SOX5: variants seen among roughly 807,000 people sequenced by gnomAD.
The protein encoded by SOX5 is transcription factor SOX-5.
A neutral mutation model predicts 92.0 loss-of-function variants in SOX5; 9 were observed. The observed-to-expected ratio is 0.10, with a 90% CI of 0.06 to 0.17. SOX5 has a LOEUF of 0.17. Among genes scored for constraint, SOX5 ranks in the 10% least tolerant of loss-of-function variants. SOX5 has a pLI of 1.00. For synonymous variants in SOX5, 344 were observed against 336.3 expected (o/e 1.02, Z -0.25); for missense variants, 642 against 944.5 (o/e 0.68, Z 4.20).
chr12:24,071,319 C>CTAATTTAATTAATG (rs1569533048), intron 4 of SOX5, among the ~76,000 whole-genome samples: 2 of 152,162 alleles, frequency 1.3e-5, no homozygotes, highest in East Asian at 1.9e-4. Context: ...AATTTAATTC[C>CTAATTTAATTAATG]CACATGAACC....
chr12:23,873,482 A>G (rs2096896142), intron 2 of SOX5, among the ~76,000 whole-genome samples: 1 of 152,186 alleles, frequency 6.6e-6, no homozygotes, highest in Non-Finnish European at 1.5e-5. Flanking sequence ...CAAAAGAAAA[A>G]GAAAAGAAAT....
intron 13 of SOX5, among the ~76,000 whole-genome samples, chr12:23,538,485 T>C (rs975026722): frequency 2.6e-5 from 4 of 152,206 alleles, no homozygotes; most frequent in Non-Finnish European, 4.4e-5. Context: ...ATATCATTTG[T>C]AGGGACAATC....
At chr12:23,564,210 A>G (rs1188371825) in intron 10 of SOX5, among the ~76,000 whole-genome samples, 2 of 152,236 alleles carry the variant, frequency 1.3e-5, no homozygotes, top group African/African-American at 4.8e-5. Context: ...TGTAACAACC[A>G]AAACTAATTT....
intron 3 of SOX5, among the ~76,000 whole-genome samples, chr12:24,244,185 A>G (rs1477012135): frequency 1.3e-5 from 2 of 152,216 alleles, no homozygotes; most frequent in Admixed American, 6.5e-5. Flanking sequence ...TATAACTTTG[A>G]GCCTATCTGG....
chr12:23,551,211 G>A (rs1337903216), intron 11 of SOX5, among the ~76,000 whole-genome samples: 2 of 151,648 alleles, frequency 1.3e-5, no homozygotes, highest in Middle Eastern at 3.2e-3. Context: ...TTAACGACAC[G>A]GGAAGAAAGA....
intron 1 of SOX5, among the ~76,000 whole-genome samples, chr12:23,923,292 T>TG (rs1342113360): frequency 1.4e-4 from 18 of 131,104 alleles, no homozygotes; most frequent in East Asian, 6.2e-4. Context: ...CACCCAAAAA[T>TG]AAATGAATGA....
chr12:24,081,856 C>G (rs1305747911), intron 4 of SOX5, among the ~76,000 whole-genome samples: 1 of 151,976 alleles, frequency 6.6e-6, no homozygotes, highest in Admixed American at 6.6e-5. Context: ...CTTTCTCTCA[C>G]CCGCTTTCTC....
chr12:24,253,519 C>G (rs957227), intron 3 of SOX5, among the ~76,000 whole-genome samples: 3,206 of 152,030 alleles, frequency 0.021, 115 homozygotes, highest in African/African-American at 0.073. Context: ...AAGATGGAAA[C>G]GGCAAAACAA....
At chr12:23,560,926 G>A (rs549663064) in intron 11 of SOX5, among the ~76,000 whole-genome samples, 196 of 152,238 alleles carry the variant, frequency 1.3e-3, no homozygotes, top group Middle Eastern at 3.4e-3. Context: ...ATTCAGATCC[G>A]TTGATTGAGG....
intron 4 of SOX5, among the ~76,000 whole-genome samples, chr12:24,126,858 C>T (rs1395034543): frequency 1.3e-5 from 2 of 152,116 alleles, no homozygotes; most frequent in African/African-American, 2.4e-5. Context: ...TCCACCTTCA[C>T]ACAAATGTCT....
At chr12:24,399,146 C>T (rs890089628) in intron 1 of SOX5, among the ~76,000 whole-genome samples, 1 of 152,002 alleles carries the variant, frequency 6.6e-6, no homozygotes, top group Admixed American at 6.6e-5. Flanking sequence ...ACTGGTCTTA[C>T]ATGATTGCAG....
intron 6 of SOX5, among the ~76,000 whole-genome samples, chr12:23,718,719 T>C (rs559236123): frequency 2.6e-5 from 4 of 152,334 alleles, no homozygotes; most frequent in South Asian, 4.1e-4. Flanking sequence ...TCATATTTCC[T>C]TTCCATTTTC....
chr12:24,222,627 A>G (rs888551490), intron 3 of SOX5, among the ~76,000 whole-genome samples: 3 of 152,210 alleles, frequency 2.0e-5, no homozygotes, highest in Non-Finnish European at 4.4e-5. Context: ...ATTTCGCAAA[A>G]TGAGGGAATG....
chr12:24,296,809 C>T (rs1305375313), intron 2 of SOX5, among the ~76,000 whole-genome samples: 1 of 106,924 alleles, frequency 9.4e-6, no homozygotes, highest in Non-Finnish European at 1.9e-5. Flanking sequence ...TCGGCAGATA[C>T]ATTGTTCTTA....
At chr12:24,209,509 G>C (rs1425999645) in intron 4 of SOX5, among the ~76,000 whole-genome samples, 1 of 151,986 alleles carries the variant, frequency 6.6e-6, no homozygotes, top group Non-Finnish European at 1.5e-5. Flanking sequence ...TATTCTGATA[G>C]GCAAATCATG....
chr12:24,477,490 T>A (rs947985902), intron 1 of SOX5, among the ~76,000 whole-genome samples: 3 of 152,172 alleles, frequency 2.0e-5, no homozygotes, highest in Non-Finnish European at 4.4e-5. Context: ...ATGACTCATA[T>A]ACAATCACAA....
chr12:23,796,369 G>A (rs537782786), intron 3 of SOX5, among the ~76,000 whole-genome samples: 2 of 152,188 alleles, frequency 1.3e-5, no homozygotes, highest in South Asian at 4.2e-4. Flanking sequence ...ATAAATTTCA[G>A]GAAAAGGGTA....
intron 4 of SOX5, among the ~76,000 whole-genome samples, chr12:24,139,173 C>T (rs1389216869): frequency 6.6e-6 from 1 of 152,146 alleles, no homozygotes; most frequent in Non-Finnish European, 1.5e-5. Flanking sequence ...TGGAGGCAGA[C>T]ACAAAATTTA....
chr12:24,377,184 C>G (rs886895293), intron 1 of SOX5, among the ~76,000 whole-genome samples: 6 of 152,122 alleles, frequency 3.9e-5, no homozygotes, highest in Admixed American at 6.5e-5. Context: ...GAATATGGCT[C>G]CACAATCAAA....
Sources: gnomAD v4.1 joint callset for allele counts (sites outside exome capture counted in the v4.1 genomes callset) on GRCh38, gnomAD v4.1.1 for gene constraint, MANE v1.5 for transcripts, NCBI Gene and HGNC (gene_info 2026-07-23, HGNC 2026-07-21) for gene names.